The following ADAMTSL1 variants were observed in gnomAD, a reference collection of about 807,000 sequenced individuals.
The protein encoded by ADAMTSL1 is ADAMTS like 1, also known as ADAMTS-like protein 1.
ADAMTSL1 carries 126 observed loss-of-function variants against 201.8 expected under a neutral mutation model. That is an observed-to-expected ratio of 0.62 (90% CI 0.54 to 0.72). The LOEUF is 0.72. Among genes scored for constraint, ADAMTSL1 ranks in the 30% least tolerant of loss-of-function variants. The pLI, the probability that ADAMTSL1 is intolerant of heterozygous loss-of-function variation, is 0.00. For synonymous variants in ADAMTSL1, 1,121 were observed against 903.4 expected (o/e 1.24, Z -4.32); for missense variants, 2,679 against 2,277.8 (o/e 1.18, Z -3.59).
At chr9:18,724,274 G>A (rs1028909444) in intron 15 of ADAMTSL1, among the ~76,000 whole-genome samples, 1 of 152,088 alleles carries the variant, frequency 6.6e-6, no homozygotes, top group Non-Finnish European at 1.5e-5. Flanking sequence ...TTTTTTTCTT[G>A]TATGTAGTCA....
At chr9:18,787,171 T>A (rs185664577) in intron 19 of ADAMTSL1, among the ~76,000 whole-genome samples, 1 of 152,344 alleles carries the variant, frequency 6.6e-6, no homozygotes, top group Admixed American at 6.5e-5. Context: ...GTTTGGCTTG[T>A]TTCCCTTATA....
chr9:18,191,603 C>T (rs1417982383), intron 2 of ADAMTSL1, among the ~76,000 whole-genome samples: 1 of 152,154 alleles, frequency 6.6e-6, no homozygotes, highest in Non-Finnish European at 1.5e-5. Context: ...AAGGCTCTGG[C>T]CTTGGCAAGA....
At chr9:18,724,532 T>C (rs970655863) in intron 15 of ADAMTSL1, among the ~76,000 whole-genome samples, 3 of 152,264 alleles carry the variant, frequency 2.0e-5, no homozygotes, top group African/African-American at 7.2e-5. Context: ...TTTGTGTGCA[T>C]GTAGTGCCTA....
At chr9:18,460,849 G>A (rs773706633) in intron 2 of ADAMTSL1, among the ~76,000 whole-genome samples, 10 of 152,118 alleles carry the variant, frequency 6.6e-5, no homozygotes, top group African/African-American at 9.7e-5. Flanking sequence ...TCACATTTCA[G>A]TGAAAATCAC....
At chr9:18,007,190 G>A (rs577259220) in intron 1 of ADAMTSL1, among the ~76,000 whole-genome samples, 1 of 152,100 alleles carries the variant, frequency 6.6e-6, no homozygotes, top group South Asian at 2.1e-4. Context: ...ACTCATCACA[G>A]AACTCCTTTT....
intron 2 of ADAMTSL1, among the ~76,000 whole-genome samples, chr9:18,344,004 T>A (rs1204783079): frequency 6.6e-6 from 1 of 152,156 alleles, no homozygotes; most frequent in African/African-American, 2.4e-5. Context: ...TCATCTTTAG[T>A]ACAAAGTACT....
At chr9:18,160,694 T>A (rs995240664) in intron 1 of ADAMTSL1, among the ~76,000 whole-genome samples, 12 of 151,560 alleles carry the variant, frequency 7.9e-5, no homozygotes, top group East Asian at 1.9e-4. Flanking sequence ...TTAATTAATT[T>A]TTTTGAGAAA....
At chr9:18,552,548 G>T (rs1157517900) in intron 3 of ADAMTSL1, among the ~76,000 whole-genome samples, 1 of 151,614 alleles carries the variant, frequency 6.6e-6, no homozygotes, top group Non-Finnish European at 1.5e-5. Flanking sequence ...ATTTCTATAT[G>T]AGTATATCAA....
At chr9:18,104,766 A>C (rs1407984833) in intron 1 of ADAMTSL1, among the ~76,000 whole-genome samples, 1 of 152,206 alleles carries the variant, frequency 6.6e-6, no homozygotes, top group Non-Finnish European at 1.5e-5. Context: ...TAATTTTAAA[A>C]GAGCTGAAAT....
chr9:18,347,676 G>T (rs572100059), intron 2 of ADAMTSL1, among the ~76,000 whole-genome samples: 40 of 152,206 alleles, frequency 2.6e-4, no homozygotes, highest in African/African-American at 8.7e-4. Context: ...AATCAGTTGG[G>T]CATGTCCTAG....
intron 1 of ADAMTSL1, among the ~76,000 whole-genome samples, chr9:17,991,399 C>G (rs539105920): frequency 6.6e-6 from 1 of 152,134 alleles, no homozygotes; most frequent in East Asian, 1.9e-4. Flanking sequence ...CTGAAAAGTA[C>G]CTGGTAAAAA....
rs147439160 is a variant in ADAMTSL1 at position 18,721,614 on chromosome 9, G to A, written c.1955G>A (p.Arg652His). ...PAEENLCVTSRRPPQLLKSCN... is the reference protein window; with the variant it reads ...PAEENLCVTSHRPPQLLKSCN... ...GAGGAGAACCTGTGCGTGACCAGCC[G>A]CCGGCCCCCACAGCTCCTGAAGTCC... Residue 652 changes from arginine to histidine, a missense_variant, in exon 15 of 29, where the codon CGC becomes CAC. Physicochemically the swap from Arg to His is conservative, Grantham distance 29 (BLOSUM62 0). Transcript: ENST00000380548. 4.0e-5 allele frequency: 65 copies of A among 1,613,810 alleles called. No individual in the cohort carries two copies. The highest frequency in any genetic ancestry group is 3.3e-4 in the Middle Eastern group (2 of 6,070).
intron 2 of ADAMTSL1, among the ~76,000 whole-genome samples, chr9:18,177,518 GAA>G (rs1352884162): frequency 6.6e-6 from 1 of 152,128 alleles, no homozygotes; most frequent in African/African-American, 2.4e-5. Flanking sequence ...TCCAGAGATA[GAA>G]ATTTCAGGAC....
intron 2 of ADAMTSL1, among the ~76,000 whole-genome samples, chr9:18,260,234 C>A (rs1005491434): frequency 6.6e-6 from 1 of 152,172 alleles, no homozygotes; most frequent in African/African-American, 2.4e-5. Flanking sequence ...AGTCTTCTAC[C>A]CACTGAACTA....
At chr9:18,826,226 T>G (rs1379562452) in intron 21 of ADAMTSL1, 58 bp from the exon 22 acceptor site, 4 of 1,550,346 alleles carry the variant, frequency 2.6e-6, no homozygotes, top group Admixed American at 3.9e-5. Flanking sequence ...GCCTCTGGGC[T>G]CACCTGAATG....
intron 1 of ADAMTSL1, among the ~76,000 whole-genome samples, chr9:17,943,553 T>C (rs537880781): frequency 1.3e-5 from 2 of 152,220 alleles, no homozygotes; most frequent in Non-Finnish European, 2.9e-5. Flanking sequence ...TAGACACACT[T>C]GTTTTGTCTC....
intron 7 of ADAMTSL1, among the ~76,000 whole-genome samples, chr9:18,648,166 T>C (rs1241727289): frequency 1.4e-5 from 2 of 141,170 alleles, no homozygotes; most frequent in Non-Finnish European, 3.2e-5. Flanking sequence ...TCTTTTGATC[T>C]TTGTTGGTTT....
chr9:18,799,428 G>A (rs1822635091), intron 20 of ADAMTSL1, among the ~76,000 whole-genome samples: 1 of 152,216 alleles, frequency 6.6e-6, no homozygotes, highest in African/African-American at 2.4e-5. Flanking sequence ...TGAAGGAAAG[G>A]AAGTAGTTTC....
chr9:18,126,642 A>T (rs114744002), intron 1 of ADAMTSL1, among the ~76,000 whole-genome samples: 3,136 of 152,298 alleles, frequency 0.021, 114 homozygotes, highest in African/African-American at 0.072. Flanking sequence ...TTAATTTTGA[A>T]CTATTATTAT....
Sources: allele counts gnomAD v4.1 joint callset (sites outside exome capture counted in the v4.1 genomes callset), GRCh38; gene constraint gnomAD v4.1.1; transcripts MANE v1.5; gene names NCBI Gene and HGNC (gene_info 2026-07-23, HGNC 2026-07-21).